Variants in CACNA1D observed in about 807,000 individuals in gnomAD.
The protein encoded by CACNA1D is calcium voltage-gated channel subunit alpha1 D.
CACNA1D carries 55 observed loss-of-function variants against 257.1 expected under a neutral mutation model. The observed-to-expected ratio is 0.21, with a 90% confidence interval of 0.17 to 0.27. The LOEUF (loss-of-function observed/expected upper bound fraction) is 0.27. CACNA1D is among the 10% of genes least tolerant of loss of function. The probability of loss-of-function intolerance (pLI) is 1.00; values close to 1 mark genes in which losing one functional copy is unlikely to be tolerated. For missense variants in CACNA1D, 1,876 were observed against 2,784.0 expected (o/e 0.67, Z 7.34); for synonymous variants, 980 against 1,014.9 (o/e 0.97, Z 0.65).
At chr3:53,672,758 CTGTGTGTGTGTGTGTGTGTGTGTGTG>C (rs57956658) in intron 7 of CACNA1D, among the ~76,000 whole-genome samples, 77 of 95,086 alleles carry the variant, frequency 8.1e-4, no homozygotes, top group Admixed American at 1.4e-3. Context: ...CTTGATGACT[CTGTGTGTGTGTGTGTGTGTGTGTGTG>C]TGTGTGTGTG....
At chr3:53,518,982 TGC>T (rs2091451087) in intron 3 of CACNA1D, among the ~76,000 whole-genome samples, 1 of 152,210 alleles carries the variant, frequency 6.6e-6, no homozygotes, top group Non-Finnish European at 1.5e-5. Context: ...TTTCTCCTTG[TGC>T]CAAGAATTCC....
Position 53,735,428 on chromosome 3 carries a change from C to T in CACNA1D, c.2676C>T (p.Ile892=). Residue 892 remains isoleucine, a synonymous_variant, in exon 20 of 48, where the codon ATC becomes ATT. Transcript: ENST00000350061. ...LINHHIFTNL[I]LVFIMLSSAA... The stretch of plus-strand genomic sequence containing the variant: ...ACCACCACATCTTCACCAACCTCAT[C>T]CTTGTCTTCATCATGCTGAGCAGCG... 2 of 1,614,092 alleles carry T rather than the reference C, an allele frequency of 1.2e-6. No homozygotes were observed. The highest frequency in any genetic ancestry group is 1.7e-6 in the Non-Finnish European group (2 of 1,179,902).
intron 20 of CACNA1D, among the ~76,000 whole-genome samples, chr3:53,737,952 T>C (rs1462215916): frequency 6.6e-6 from 1 of 152,264 alleles, no homozygotes; most frequent in South Asian, 2.1e-4. Flanking sequence ...GGCTCTTGCC[T>C]CAGCAGCCCC....
intron 3 of CACNA1D, among the ~76,000 whole-genome samples, chr3:53,565,490 C>T (rs1040726688): frequency 4.6e-5 from 7 of 152,166 alleles, no homozygotes; most frequent in Non-Finnish European, 1.0e-4. Flanking sequence ...AAATCTCAAA[C>T]ACACATGATG....
intron 3 of CACNA1D, among the ~76,000 whole-genome samples, chr3:53,612,017 T>C (rs2093588889): frequency 6.6e-6 from 1 of 152,258 alleles, no homozygotes; most frequent in Non-Finnish European, 1.5e-5. Context: ...CCATCACATG[T>C]GAATTTTTAA....
intron 3 of CACNA1D, among the ~76,000 whole-genome samples, chr3:53,508,210 G>C (rs1242159565): frequency 6.6e-6 from 1 of 152,062 alleles, no homozygotes; most frequent in Non-Finnish European, 1.5e-5. Context: ...TGTTACATAG[G>C]TAAATGCATG....
intron 3 of CACNA1D, among the ~76,000 whole-genome samples, chr3:53,542,701 G>A (rs1432579359): frequency 2.0e-5 from 3 of 152,198 alleles, no homozygotes; most frequent in African/African-American, 4.8e-5. Flanking sequence ...AGACAGGAAA[G>A]TAGTCTTTTG....
chr3:53,523,159 G>C (rs920324673), intron 3 of CACNA1D, among the ~76,000 whole-genome samples: 3 of 152,192 alleles, frequency 2.0e-5, no homozygotes, highest in African/African-American at 7.2e-5. Flanking sequence ...GAATTTGCAA[G>C]ATGCTGAGTG....
At chr3:53,627,729 C>T (rs2093776105) in intron 3 of CACNA1D, among the ~76,000 whole-genome samples, 1 of 152,056 alleles carries the variant, frequency 6.6e-6, no homozygotes, top group African/African-American at 2.4e-5. Flanking sequence ...ATGAGGTATT[C>T]AGGCCGGGTG....
rs60741810 is a variant in CACNA1D, at chr3:53,507,452, C to CAAA, written c.483+5746_483+5748dup. On this transcript the variant is annotated intron_variant, in intron 3 of 47. Coordinates refer to ENST00000350061, the MANE Select transcript of CACNA1D (RefSeq NM_001128840.3). ...AGTGAGATTCCATGTCTCCCCCCGCCAAAAAAAAAAAAAAAATTAGCTGGG... is the reference window on the plus strand; with the variant it reads ...AGTGAGATTCCATGTCTCCCCCCGCCAAAAAAAAAAAAAAAAAAATTAGCTGGG... Among the ~76,000 whole-genome samples, 24 of 123,208 alleles carry CAAA rather than the reference C, an allele frequency of 1.9e-4. No homozygotes were observed. The East Asian group carries it at 2.5e-3, about 13-fold the overall frequency. The allele number at this position is 123,208 out of a possible 152,430, so 80.8% of individuals were successfully genotyped here.
chr3:53,654,507 C>A (rs2094129773), intron 4 of CACNA1D, among the ~76,000 whole-genome samples: 1 of 152,104 alleles, frequency 6.6e-6, no homozygotes, highest in South Asian at 2.1e-4. Context: ...GACTGTGATA[C>A]CTTTAAGATG....
Position 53,640,965 on chromosome 3 carries a change from A to C in CACNA1D, c.484-9814A>C, listed in dbSNP as rs550475318. The stretch of plus-strand genomic sequence containing the variant: ...AAGGGGAAAAATGATGCTCAGAGGA[A>C]ATGAAACTCCTTAGTCTTCCCTTAA... On this transcript the variant is annotated intron_variant, in intron 3 of 47. Coordinates refer to ENST00000350061, the MANE Select transcript of CACNA1D (RefSeq NM_001128840.3). 1.6e-3 allele frequency among the ~76,000 whole-genome samples: 247 copies of C among 151,464 alleles called. 1 individual carries two copies. Among genetic ancestry groups the C allele is most frequent in the Non-Finnish European group, 2.7e-3 (184 of 67,924 alleles).
intron 12 of CACNA1D, 113 bp downstream of exon 12, chr3:53,722,587 T>G: frequency 8.9e-7 from 1 of 1,121,908 alleles, no homozygotes; most frequent in South Asian, 1.3e-5. Context: ...ACATTTCTAG[T>G]GAGGACAAAC....
In CACNA1D at chr3:53,774,533, T is replaced by C. The variant is rs2095385729; in HGVS notation, c.4111-54T>C. On this transcript the variant is annotated intron_variant, in intron 33 of 47. Coordinates refer to ENST00000350061, the MANE Select transcript of CACNA1D (RefSeq NM_001128840.3). The surrounding 1 kb of genome is among the most constrained non-coding windows in gnomAD (Gnocchi z 4.3). ...AGTTAGTTCTAAATTCACATACGGA[T>C]TTTTTTTGCATGACGAAATCTATTC... is the stretch of plus-strand genomic sequence containing the variant. 2 of 1,069,142 alleles carry C rather than the reference T, an allele frequency of 1.9e-6. No individual in the cohort carries two copies. The highest frequency in any genetic ancestry group is 2.9e-6 in the Non-Finnish European group (2 of 685,310). 66.2% of individuals were successfully genotyped at this position (1,069,142 alleles called of 1,614,324 possible). A position where few individuals can be genotyped will look rare whatever the true frequency, so the allele number is the denominator to read the frequency against.
intron 14 of CACNA1D, among the ~76,000 whole-genome samples, chr3:53,726,249 G>A (rs2108738267): frequency 6.6e-6 from 1 of 152,302 alleles, no homozygotes; most frequent in Non-Finnish European, 1.5e-5. Flanking sequence ...GTGTGTAAAC[G>A]TGTTTAAATC....
chr3:53,693,977 T>C (rs923414794), intron 8 of CACNA1D, among the ~76,000 whole-genome samples: 4 of 152,240 alleles, frequency 2.6e-5, no homozygotes, highest in Non-Finnish European at 5.9e-5. Flanking sequence ...GCCCATTTAT[T>C]TTATGGGACG....
intron 4 of CACNA1D, among the ~76,000 whole-genome samples, chr3:53,659,326 T>A (rs897981733): frequency 6.6e-6 from 1 of 152,220 alleles, no homozygotes; most frequent in African/African-American, 2.4e-5. Flanking sequence ...TTACCTTAGG[T>A]AACTGCCTTT....
intron 3 of CACNA1D, among the ~76,000 whole-genome samples, chr3:53,618,391 C>T (rs933696013): frequency 6.6e-6 from 1 of 152,204 alleles, no homozygotes; most frequent in African/African-American, 2.4e-5. Flanking sequence ...CGGAGACTTC[C>T]CTGGCAGCCA....
chr3:53,658,230 A>C (rs1365291877), intron 4 of CACNA1D, among the ~76,000 whole-genome samples: 1 of 151,730 alleles, frequency 6.6e-6, no homozygotes, highest in African/African-American at 2.4e-5. Context: ...TGAGGAACAG[A>C]ATCACGGAAT....
Sources: allele counts gnomAD v4.1 joint callset (sites outside exome capture counted in the v4.1 genomes callset), GRCh38; gene constraint gnomAD v4.1.1; non-coding constraint Gnocchi (gnomAD v3.1); transcripts MANE v1.5; gene names NCBI Gene and HGNC (gene_info 2026-07-23, HGNC 2026-07-21).